Variants in SPACA7 observed in about 807,000 individuals in gnomAD.
SPACA7 encodes the protein sperm acrosome associated 7.
SPACA7 carries 19 observed loss-of-function variants against 26.3 expected under a neutral mutation model. The observed-to-expected ratio is 0.72, with a 90% confidence interval of 0.50 to 1.06. The LOEUF (loss-of-function observed/expected upper bound fraction) is 1.06. Ranked by LOEUF, SPACA7 falls within the 50% of genes least tolerant of loss-of-function variation. The pLI, the probability that SPACA7 is intolerant of heterozygous loss-of-function variation, is 0.00. For missense variants in SPACA7, 211 were observed against 229.9 expected (o/e 0.92, Z 0.53); for synonymous variants, 84 against 84.5 (o/e 0.99, Z 0.04).
intron 5 of SPACA7, among the ~76,000 whole-genome samples, chr13:112,420,851 GA>G (rs1402071386): frequency 2.0e-5 from 3 of 151,714 alleles, no homozygotes; most frequent in Non-Finnish European, 2.9e-5. Context: ...ACTTTACATA[GA>G]AAAAAACCAA....
chr13:112,412,387 T>C (rs1252477354), intron 5 of SPACA7, among the ~76,000 whole-genome samples: 4 of 151,980 alleles, frequency 2.6e-5, no homozygotes, highest in Non-Finnish European at 5.9e-5. Flanking sequence ...AGTTTGCAAA[T>C]ATTTTCTCCC....
At chr13:112,382,520 G>A in intron 1 of SPACA7, 2 of 1,549,612 alleles carry the variant, frequency 1.3e-6, no homozygotes, top group Non-Finnish European at 1.7e-6. Flanking sequence ...GAGAACAGTG[G>A]AACCGTTTTG....
At chr13:112,430,172 CTCTG>C (rs1020731651) in intron 5 of SPACA7, among the ~76,000 whole-genome samples, 6 of 122,774 alleles carry the variant, frequency 4.9e-5, no homozygotes, top group African/African-American at 8.9e-5. Flanking sequence ...GCATCTCTCT[CTCTG>C]TGTGTGTGTG....
intron 5 of SPACA7, among the ~76,000 whole-genome samples, chr13:112,415,287 G>T (rs1310979508): frequency 5.3e-5 from 8 of 152,202 alleles, no homozygotes; most frequent in African/African-American, 1.9e-4. Context: ...TCCCACAGCT[G>T]CCCAGACAAG....
At position 112,400,002 on chromosome 13, in the gene SPACA7, T is replaced by C. The variant is rs117566668; in HGVS notation, c.349+829T>C. 9.7e-3 allele frequency among the ~76,000 whole-genome samples: 1,476 copies of C among 152,284 alleles called. 16 individuals carry two copies. Among genetic ancestry groups the C allele is most frequent in the East Asian group, 0.034 (177 of 5,160 alleles). On this transcript the variant is annotated intron_variant, in intron 4 of 6. Transcript: ENST00000283550. Reference sequence around the variant, plus strand: ...ACAGCAAGGAGCAACTCTGCCCCCATGATCCAATCATCTCCCACCAGGTCC... The same window carrying C: ...ACAGCAAGGAGCAACTCTGCCCCCACGATCCAATCATCTCCCACCAGGTCC...
chr13:112,407,749 C>T (rs1174368277), intron 5 of SPACA7, among the ~76,000 whole-genome samples: 2 of 152,124 alleles, frequency 1.3e-5, no homozygotes, highest in Admixed American at 1.3e-4. Flanking sequence ...CAAAAAAAGT[C>T]CAGGACCAGA....
chr13:112,399,964 C>T (rs1387449904), intron 4 of SPACA7, among the ~76,000 whole-genome samples: 1 of 152,140 alleles, frequency 6.6e-6, no homozygotes, highest in Non-Finnish European at 1.5e-5. Flanking sequence ...CATGAGAACT[C>T]ACTATCATGA....
At chr13:112,422,240 AC>A (rs1876058151) in intron 5 of SPACA7, among the ~76,000 whole-genome samples, 1 of 152,210 alleles carries the variant, frequency 6.6e-6, no homozygotes, top group African/African-American at 2.4e-5. Context: ...AGGAAGACAC[AC>A]AATAAACTCA....
chr13:112,376,445 A>G lies in SPACA7; in HGVS notation c.60A>G (p.Gln20=). The G allele has an allele frequency of 6.2e-7, 1 of 1,613,768 alleles. No individual in the cohort carries two copies. The highest frequency in any genetic ancestry group is 8.5e-7 in the Non-Finnish European group (1 of 1,179,886). Residue 20 remains glutamine (Q), a synonymous_variant, in exon 1 of 7, where the codon CAA becomes CAG. Coordinates refer to ENST00000283550, the MANE Select transcript of SPACA7 (RefSeq NM_145248.5). ...TTGTCCTCCTGCTGTGCTGTTGGCA[A>G]GAAACTGAGCTCCGGCCGAGAACCG... ...LCFVLLLCCW[Q]ETELRPRTVI... is the part of the protein sequence containing the mutation.
chr13:112,426,159 C>A (rs182045250), intron 5 of SPACA7, among the ~76,000 whole-genome samples: 17 of 152,322 alleles, frequency 1.1e-4, no homozygotes, highest in Admixed American at 8.5e-4. Flanking sequence ...ATTGTTCCAA[C>A]ATCATTTGCT....
At chr13:112,385,491 G>T (rs1594244817) in intron 1 of SPACA7, among the ~76,000 whole-genome samples, 1 of 152,270 alleles carries the variant, frequency 6.6e-6, no homozygotes, top group South Asian at 2.1e-4. Context: ...AGACACAAAT[G>T]AAGATAAGGT....
At chr13:112,431,125 T>C (rs1373663967) in intron 5 of SPACA7, among the ~76,000 whole-genome samples, 1 of 152,208 alleles carries the variant, frequency 6.6e-6, no homozygotes, top group Non-Finnish European at 1.5e-5. Context: ...TTAAAAATTG[T>C]TCAATGGGCT....
chr13:112,381,960 C>T (rs1055335328), intron 1 of SPACA7, among the ~76,000 whole-genome samples: 1 of 152,154 alleles, frequency 6.6e-6, no homozygotes, highest in Non-Finnish European at 1.5e-5. Context: ...AACTCTAAAC[C>T]ATATAATTTC....
At chr13:112,434,317 T>C (rs1877515999) in intron 6 of SPACA7, among the ~76,000 whole-genome samples, 168 bp from the exon 7 acceptor site, 1 of 152,140 alleles carries the variant, frequency 6.6e-6, no homozygotes, top group Non-Finnish European at 1.5e-5. Flanking sequence ...ACGCAGCCAG[T>C]GCCCCCCTCC....
rs1237040637 is a variant in SPACA7 at position 112,380,657 on chromosome 13, TC to T, written c.94+4180del. ...ACGCATTTTGTCCGGTTTTTTCTCT[TC>T]CTGAAAAAACAAATTTTAAACCACT... On this transcript the variant is annotated intron_variant, in intron 1 of 6. Transcript: ENST00000283550. Among the ~76,000 whole-genome samples, 7 of 152,188 alleles carry T rather than the reference TC, an allele frequency of 4.6e-5. No homozygotes were observed. The East Asian group carries it at 1.3e-3, about 29-fold the overall frequency.
intron 6 of SPACA7, among the ~76,000 whole-genome samples, 193 bp downstream of exon 6, chr13:112,432,714 A>G (rs1877281636): frequency 6.6e-6 from 1 of 152,156 alleles, no homozygotes; most frequent in Non-Finnish European, 1.5e-5. Flanking sequence ...CAATTCAAGG[A>G]GTCAAGGCCC....
At chr13:112,398,537 T>C (rs1885432630) in intron 3 of SPACA7, among the ~76,000 whole-genome samples, 1 of 152,304 alleles carries the variant, frequency 6.6e-6, no homozygotes, top group East Asian at 1.9e-4. Context: ...AGGGCAGTTA[T>C]CATCACCCCA....
intron 5 of SPACA7, among the ~76,000 whole-genome samples, chr13:112,417,850 G>A (rs1030315873): frequency 2.6e-5 from 4 of 152,110 alleles, no homozygotes; most frequent in African/African-American, 7.2e-5. Flanking sequence ...ATGTAGGGCA[G>A]GAACAGAGAT....
chr13:112,383,423 T>C (rs1884336234), intron 1 of SPACA7, among the ~76,000 whole-genome samples: 1 of 152,198 alleles, frequency 6.6e-6, no homozygotes, highest in Non-Finnish European at 1.5e-5. Context: ...TTATTTACAG[T>C]TTACAAAATA....
Sources: allele counts gnomAD v4.1 joint callset (sites outside exome capture counted in the v4.1 genomes callset), GRCh38; gene constraint gnomAD v4.1.1; transcripts MANE v1.5; gene names NCBI Gene and HGNC (gene_info 2026-07-23, HGNC 2026-07-21).